The following ASRGL1 variants were observed in gnomAD, a reference collection of about 807,000 sequenced individuals.
The protein encoded by ASRGL1 is isoaspartyl peptidase/L-asparaginase.
In ASRGL1, 16 loss-of-function variants were observed where a neutral mutation model predicts 22.4. That is an observed-to-expected ratio of 0.71 (90% CI 0.48 to 1.08). The LOEUF is 1.08. Ranked by LOEUF, ASRGL1 falls within the 50% of genes least tolerant of loss-of-function variation. The probability of loss-of-function intolerance (pLI) is 0.00; values close to 1 mark genes in which losing one functional copy is unlikely to be tolerated. For synonymous variants in ASRGL1, 165 were observed against 159.3 expected (o/e 1.04, Z -0.27); for missense variants, 412 against 410.1 (o/e 1.00, Z -0.04).
intron 4 of ASRGL1, chr11:62,372,032 A>C (rs1162455393): frequency 4.0e-6 from 3 of 743,694 alleles, no homozygotes; most frequent in Non-Finnish European, 7.5e-6. Context: ...GGGACCCCAT[A>C]GGTATGGGTG....
chr11:62,368,562 A>G (rs1013445403), intron 4 of ASRGL1, among the ~76,000 whole-genome samples: 3 of 152,192 alleles, frequency 2.0e-5, no homozygotes, highest in Non-Finnish European at 4.4e-5. Context: ...GAGAAAAGAA[A>G]GAGACACAGA....
downstream of ASRGL1, among the ~76,000 whole-genome samples, chr11:62,396,964 G>A (rs952657664): frequency 4.6e-5 from 7 of 152,150 alleles, no homozygotes; most frequent in Admixed American, 1.3e-4. Flanking sequence ...AGCAGCCACC[G>A]GCCTCATGCC....
chr11:62,376,974 C>T lies in ASRGL1; in HGVS notation c.492-12159C>T, dbSNP rs905895244. Reference sequence around the variant, plus strand: ...ATAATCTTCCAAATGAAGGTACATGCGTGACATCCATTTGCCATAACACAT... The same window carrying T: ...ATAATCTTCCAAATGAAGGTACATGTGTGACATCCATTTGCCATAACACAT... On this transcript the variant is annotated intron_variant, in intron 4 of 6. Coordinates refer to ENST00000415229, the MANE Select transcript of ASRGL1 (RefSeq NM_001083926.2). Among the ~76,000 whole-genome samples the T allele has an allele frequency of 8.5e-4, 129 of 152,300 alleles. 1 individual carries two copies. Among genetic ancestry groups the T allele is most frequent in the African/African-American group, 2.7e-3 (114 of 41,554 alleles).
At chr11:62,391,968 A>G (rs1425237251) in intron 6 of ASRGL1, 111 bp from the exon 7 acceptor site, 5 of 1,311,916 alleles carry the variant, frequency 3.8e-6, no homozygotes, top group African/African-American at 1.5e-5. Flanking sequence ...TCAGGCGTTC[A>G]TTTACCAAAA....
intron 4 of ASRGL1, among the ~76,000 whole-genome samples, chr11:62,357,804 A>G (rs1178450532): frequency 1.3e-5 from 2 of 152,204 alleles, no homozygotes; most frequent in Non-Finnish European, 1.5e-5. Context: ...TGCTTATTTA[A>G]AGCAAAATTT....
At chr11:62,364,210 A>C (rs1946554660) in intron 4 of ASRGL1, among the ~76,000 whole-genome samples, 1 of 148,700 alleles carries the variant, frequency 6.7e-6, no homozygotes, top group African/African-American at 2.5e-5. Context: ...CCAAGAAAAA[A>C]TATTTTTATG....
chr11:62,360,187 C>T lies in ASRGL1; in HGVS notation c.491+3043C>T, dbSNP rs189634539. ...GTATTACAGGTGTGCGCCACCACGC[C>T]TGGGTAATTTTTGTATTTTTAGTAG... On this transcript the variant is annotated intron_variant, in intron 4 of 6. Transcript: ENST00000415229. 2.0e-3 allele frequency among the ~76,000 whole-genome samples: 311 copies of T among 151,864 alleles called. 2 individuals are homozygous for T. Among genetic ancestry groups the T allele is most frequent in the Admixed American group, 4.0e-3 (61 of 15,262 alleles).
rs191928732 is a variant in ASRGL1 at position 62,378,650 on chromosome 11, C to T, written c.492-10483C>T. ...CCCATGGGTTGAATTACGGCATTTA[C>T]GGCTCTTAAGTCAGTTAACTTATGC... is the stretch of plus-strand genomic sequence containing the variant. On this transcript the variant is annotated intron_variant, in intron 4 of 6. Transcript: ENST00000415229. Among the ~76,000 whole-genome samples the T allele has an allele frequency of 2.4e-3, 363 of 152,258 alleles. 3 individuals carry two copies. The highest frequency in any genetic ancestry group is 8.5e-3 in the African/African-American group (352 of 41,530).
chr11:62,397,401 C>T (rs144617029), downstream of ASRGL1, among the ~76,000 whole-genome samples: 699 of 152,070 alleles, frequency 4.6e-3, 10 homozygotes, highest in African/African-American at 0.016. Context: ...CATGGTGGCT[C>T]ATGCTTGTAA....
intron 4 of ASRGL1, among the ~76,000 whole-genome samples, chr11:62,379,525 C>T (rs1428949520): frequency 6.6e-6 from 1 of 152,172 alleles, no homozygotes; most frequent in Non-Finnish European, 1.5e-5. Flanking sequence ...TTGAATTTCA[C>T]CTTTGTAGTC....
At chr11:62,399,396 ATCT>A in the ASRGL1 span, among the ~76,000 whole-genome samples, 1 of 152,148 alleles carries the variant, frequency 6.6e-6, no homozygotes, top group Non-Finnish European at 1.5e-5. Context: ...GTGATTGCAG[ATCT>A]TCTGCTGTTG....
chr11:62,391,555 C>T lies in ASRGL1; in HGVS notation c.644C>T (p.Ala215Val). The T allele has an allele frequency of 3.7e-6, 6 of 1,612,456 alleles. No homozygotes were observed. Among genetic ancestry groups the T allele is most frequent in the Non-Finnish European group, 5.1e-6 (6 of 1,179,322 alleles). The change falls in exon 6 of 7, where the codon GCC becomes GTC. Residue 215 changes from alanine to valine, a missense_variant. Ala to Val is a moderately conservative substitution (Grantham distance 64). Transcript: ENST00000415229. Reference sequence around the variant, plus strand: ...GGTTATGCCGACAATGACATCGGAGCCGTCTCAACCACAGGGCATGGGGAA... The same window carrying T: ...GGTTATGCCGACAATGACATCGGAGTCGTCTCAACCACAGGGCATGGGGAA... Reference protein sequence around the residue: ...AGGYADNDIGAVSTTGHGESI... With the variant: ...AGGYADNDIGVVSTTGHGESI...
chr11:62,366,162 T>G (rs1946606101), intron 4 of ASRGL1, among the ~76,000 whole-genome samples: 1 of 133,532 alleles, frequency 7.5e-6, no homozygotes. Flanking sequence ...CTCAGGAGGC[T>G]GAGGCAGGAG....
intron 2 of ASRGL1, among the ~76,000 whole-genome samples, chr11:62,353,897 G>T (rs1349696811): frequency 6.6e-6 from 1 of 152,212 alleles, no homozygotes; most frequent in Non-Finnish European, 1.5e-5. Context: ...AGATGGAAAA[G>T]ATGTGAGCTT....
chr11:62,354,884 G>T (rs1946242162), intron 2 of ASRGL1, among the ~76,000 whole-genome samples: 1 of 152,122 alleles, frequency 6.6e-6, no homozygotes, highest in Admixed American at 6.6e-5. Context: ...TCAAAGGCCA[G>T]GTTAGGAAGG....
chr11:62,375,641 A>G (rs951316977), intron 4 of ASRGL1, among the ~76,000 whole-genome samples: 8 of 151,578 alleles, frequency 5.3e-5, no homozygotes, highest in African/African-American at 1.7e-4. Flanking sequence ...TGGCAGGGCA[A>G]CGATCATCTG....
Position 62,372,435 on chromosome 11 carries a change from C to T in ASRGL1, c.491+15291C>T, listed in dbSNP as rs925365870. On this transcript the variant is annotated intron_variant, in intron 4 of 6. Coordinates refer to ENST00000415229, the MANE Select transcript of ASRGL1 (RefSeq NM_001083926.2). Reference sequence around the variant, plus strand: ...TGATAATGGACTGCAAAGGAAACCTCTATTCCTTTGGGTGCCCTGAATATG... The same window carrying T: ...TGATAATGGACTGCAAAGGAAACCTTTATTCCTTTGGGTGCCCTGAATATG... 1.5e-5 allele frequency: 24 copies of T among 1,550,776 alleles called. No individual in the cohort carries two copies. In the African/African-American group the frequency reaches 2.0e-4, roughly 13 times the overall value.
chr11:62,376,998 A>T (rs887988906), intron 4 of ASRGL1, among the ~76,000 whole-genome samples: 11 of 152,224 alleles, frequency 7.2e-5, no homozygotes, highest in Non-Finnish European at 1.3e-4. Context: ...GCCATAACAC[A>T]TTAGGACATA....
chr11:62,379,762 C>T lies in ASRGL1; in HGVS notation c.492-9371C>T, dbSNP rs963133750. Among the ~76,000 whole-genome samples the T allele has an allele frequency of 5.2e-4, 79 of 152,116 alleles. 3 individuals carry two copies. Among genetic ancestry groups the T allele is most frequent in the Non-Finnish European group, 5.9e-5 (4 of 68,012 alleles). On this transcript the variant is annotated intron_variant, in intron 4 of 6. Transcript: ENST00000415229. ...TTGTATTGTGGTAACTGGCTCATTCCCTGAGGCACTTGTGACAGTGGGGGT... is the reference window on the plus strand; with the variant it reads ...TTGTATTGTGGTAACTGGCTCATTCTCTGAGGCACTTGTGACAGTGGGGGT...
Sources: gnomAD v4.1 joint callset for allele counts (sites outside exome capture counted in the v4.1 genomes callset) on GRCh38, gnomAD v4.1.1 for gene constraint, MANE v1.5 for transcripts, NCBI Gene and HGNC (gene_info 2026-07-23, HGNC 2026-07-21) for gene names.